C10orf90: variants seen among roughly 807,000 people sequenced by gnomAD.
C10orf90 encodes (E2-independent) E3 ubiquitin-conjugating enzyme FATS.
In C10orf90, 56 loss-of-function variants were observed where a neutral mutation model predicts 62.5. The observed-to-expected ratio is 0.90, with a 90% CI of 0.72 to 1.12. C10orf90 has a LOEUF of 1.12. C10orf90 is among the 50% of genes most tolerant of loss of function. The pLI, the probability that C10orf90 is intolerant of heterozygous loss-of-function variation, is 0.00. For missense variants in C10orf90, 970 were observed against 880.4 expected (o/e 1.10, Z -1.29); for synonymous variants, 386 against 340.4 (o/e 1.13, Z -1.47).
rs139266061 is a variant in C10orf90 at position 126,653,313 on chromosome 10, G to C, written c.241-6676C>G. Among the ~76,000 whole-genome samples, 75 of 152,286 alleles carry C rather than the reference G, an allele frequency of 4.9e-4. No homozygotes were observed. In the East Asian group the frequency reaches 0.011, roughly 23 times the overall value. On this transcript the variant is annotated intron_variant, in intron 1 of 9. Coordinates refer to ENST00000488181, the MANE Select transcript of C10orf90 (RefSeq NM_001350921.2). The stretch of plus-strand genomic sequence containing the variant: ...TTTCACCCGCAGTAGAACTTCTTTC[G>C]ACTTTGGAGGCAATCCCCTCAAACC...
chr10:126,552,844 T>C (rs1864667858), intron 2 of C10orf90, among the ~76,000 whole-genome samples: 1 of 152,254 alleles, frequency 6.6e-6, no homozygotes, highest in Non-Finnish European at 1.5e-5. Context: ...AATATCTATA[T>C]CTTAGGGTTA....
chr10:126,431,804 CA>C (rs1857587654), intron 7 of C10orf90, among the ~76,000 whole-genome samples: 1 of 150,844 alleles, frequency 6.6e-6, no homozygotes, highest in Non-Finnish European at 1.5e-5. Flanking sequence ...CTTTTTTTTT[CA>C]GTTTGTTTCT....
intron 2 of C10orf90, among the ~76,000 whole-genome samples, chr10:126,634,221 C>T (rs1845905362): frequency 6.6e-6 from 1 of 152,174 alleles, no homozygotes; most frequent in African/African-American, 2.4e-5. Context: ...CAAGAATCAA[C>T]CTGAGTGTCC....
intron 2 of C10orf90, among the ~76,000 whole-genome samples, chr10:126,610,555 G>A (rs948280763): frequency 2.6e-5 from 4 of 152,236 alleles, no homozygotes; most frequent in South Asian, 2.1e-4. Context: ...TGGGAAGGCA[G>A]ACACCACCTC....
chr10:126,474,733 T>C (rs1175862741), intron 4 of C10orf90, among the ~76,000 whole-genome samples: 1 of 152,230 alleles, frequency 6.6e-6, no homozygotes, highest in Non-Finnish European at 1.5e-5. Context: ...AGAAAAAGAT[T>C]TTCAATGTGG....
At chr10:126,641,238 G>T (rs1029303326) in intron 2 of C10orf90, among the ~76,000 whole-genome samples, 1 of 152,162 alleles carries the variant, frequency 6.6e-6, no homozygotes, top group Non-Finnish European at 1.5e-5. Flanking sequence ...ATGACGAAGG[G>T]TATAGGGTTT....
intron 1 of C10orf90, among the ~76,000 whole-genome samples, chr10:126,665,116 G>A (rs1380806218): frequency 1.3e-5 from 2 of 152,162 alleles, no homozygotes; most frequent in African/African-American, 2.4e-5. Flanking sequence ...TTGGCAGAGT[G>A]GCAGAGCTCA....
chr10:126,615,659 C>T lies in C10orf90; in HGVS notation c.313+30906G>A, dbSNP rs370047162. 4.9e-4 allele frequency among the ~76,000 whole-genome samples: 74 copies of T among 152,032 alleles called. 2 individuals carry two copies. In the South Asian group the frequency reaches 0.014, roughly 30 times the overall value. The stretch of plus-strand genomic sequence containing the variant: ...GCAAACATCTTTTTTTCAGTAGTTA[C>T]GACGTGTAAGGCATTGTAGGGACCA... On this transcript the variant is annotated intron_variant, in intron 2 of 9. Coordinates refer to ENST00000488181, the MANE Select transcript of C10orf90 (RefSeq NM_001350921.2).
chr10:126,452,368 A>G (rs1381803126), intron 7 of C10orf90, among the ~76,000 whole-genome samples: 1 of 152,160 alleles, frequency 6.6e-6, no homozygotes, highest in Non-Finnish European at 1.5e-5. Flanking sequence ...GTTTGCTCCA[A>G]TTCCAGGGTT....
chr10:126,557,012 A>T (rs868209801), intron 2 of C10orf90, among the ~76,000 whole-genome samples: 25 of 87,898 alleles, frequency 2.8e-4, no homozygotes, highest in African/African-American at 9.3e-4. Context: ...AATCAATTTA[A>T]AAAAAAAAAA....
At chr10:126,563,383 C>T (rs1864947931) in intron 2 of C10orf90, among the ~76,000 whole-genome samples, 1 of 152,128 alleles carries the variant, frequency 6.6e-6, no homozygotes, top group South Asian at 2.1e-4. Flanking sequence ...CCTGCCTTAG[C>T]TTGATCAGGG....
At chr10:126,660,826 T>C (rs977379791) in intron 1 of C10orf90, among the ~76,000 whole-genome samples, 4 of 152,254 alleles carry the variant, frequency 2.6e-5, no homozygotes, top group East Asian at 3.8e-4. Context: ...CTGCCTTAAA[T>C]TGATATCATC....
At chr10:126,662,786 G>A (rs1186007504) in intron 1 of C10orf90, among the ~76,000 whole-genome samples, 1 of 148,944 alleles carries the variant, frequency 6.7e-6, no homozygotes, top group South Asian at 2.1e-4. Context: ...CATTGGGATG[G>A]GTGCCTCCGT....
intron 2 of C10orf90, among the ~76,000 whole-genome samples, chr10:126,542,098 G>A (rs1864388988): frequency 6.6e-6 from 1 of 152,160 alleles, no homozygotes; most frequent in Non-Finnish European, 1.5e-5. Flanking sequence ...CTCTTTACAT[G>A]AAATGTCCAG....
intron 2 of C10orf90, chr10:126,521,350 T>C (rs756290675): frequency 3.0e-5 from 49 of 1,613,904 alleles, no homozygotes; most frequent in Non-Finnish European, 3.8e-5. Flanking sequence ...GCCATTTTAC[T>C]CAGTTTCAAA....
Position 126,548,469 on chromosome 10 carries a change from C to A in C10orf90, c.314-34530G>T, listed in dbSNP as rs552713609. Among the ~76,000 whole-genome samples, 5 of 152,284 alleles carry A rather than the reference C, an allele frequency of 3.3e-5. No individual in the cohort carries two copies. The East Asian group carries it at 7.7e-4, about 24-fold the overall frequency. On this transcript the variant is annotated intron_variant, in intron 2 of 9. Transcript: ENST00000488181. ...GCAATCTCCGCCTCCCAGGTTCAAG[C>A]GATTCTCCTGCCTCTGCCTCCCCAG...
intron 1 of C10orf90, among the ~76,000 whole-genome samples, chr10:126,657,208 C>T (rs1337129613): frequency 6.6e-6 from 1 of 152,146 alleles, no homozygotes; most frequent in Non-Finnish European, 1.5e-5. Context: ...TTCAAGTTCA[C>T]AATTGAGCAC....
intron 2 of C10orf90, among the ~76,000 whole-genome samples, chr10:126,579,178 A>G (rs1844691616): frequency 6.6e-6 from 1 of 152,092 alleles, no homozygotes; most frequent in African/African-American, 2.4e-5. Context: ...AGCAGGGGCC[A>G]CCAGGTCAGC....
chr10:126,443,206 C>A (rs1201449073), intron 7 of C10orf90, among the ~76,000 whole-genome samples: 1 of 151,736 alleles, frequency 6.6e-6, no homozygotes, highest in Non-Finnish European at 1.5e-5. Flanking sequence ...TACACAAATA[C>A]AAAAGATAAA....
Sources: allele counts gnomAD v4.1 joint callset (sites outside exome capture counted in the v4.1 genomes callset), GRCh38; gene constraint gnomAD v4.1.1; transcripts MANE v1.5; gene names NCBI Gene and HGNC (gene_info 2026-07-23, HGNC 2026-07-21).